Variants in CEP83 observed in about 807,000 individuals in gnomAD.
CEP83 encodes the protein centrosomal protein 83.
Under a neutral mutation model 101.9 loss-of-function variants are expected in CEP83, and 70 were observed. The observed-to-expected ratio is 0.69, with a 90% CI of 0.57 to 0.84. The LOEUF (loss-of-function observed/expected upper bound fraction) is 0.84. Among genes scored for constraint, CEP83 ranks in the 40% least tolerant of loss-of-function variants. CEP83 has a pLI of 0.00. For synonymous variants in CEP83, 264 were observed against 267.9 expected (o/e 0.99, Z 0.14); for missense variants, 715 against 787.2 (o/e 0.91, Z 1.10).
At chr12:94,405,653 G>C (rs529346045) in intron 4 of CEP83, among the ~76,000 whole-genome samples, 11 of 152,286 alleles carry the variant, frequency 7.2e-5, no homozygotes, top group Non-Finnish European at 1.6e-4. Context: ...AAATTAAACA[G>C]TTTGCAAGAC....
At chr12:94,282,987 A>AG in the CEP83 span, 1 of 152,734 alleles carries the variant, frequency 6.5e-6, no homozygotes, top group East Asian at 1.9e-4. Flanking sequence ...AAGACAGAGG[A>AG]GGCAGTGAAG....
chr12:94,310,833 T>C (rs929881193), intron 15 of CEP83, among the ~76,000 whole-genome samples: 53 of 152,176 alleles, frequency 3.5e-4, no homozygotes, highest in African/African-American at 1.2e-3. Flanking sequence ...TGTAATATTT[T>C]AGTAAGAAAT....
At chr12:94,323,805 G>A (rs1047631399) in intron 14 of CEP83, among the ~76,000 whole-genome samples, 2 of 152,168 alleles carry the variant, frequency 1.3e-5, no homozygotes, top group Admixed American at 6.5e-5. Context: ...TAATCAGTAA[G>A]TATGATGTTA....
chr12:94,398,046 T>C (rs540009593), intron 6 of CEP83, among the ~76,000 whole-genome samples: 1 of 152,318 alleles, frequency 6.6e-6, no homozygotes, highest in Non-Finnish European at 1.5e-5. Flanking sequence ...AGTGGTGGAC[T>C]GGTTTGTGGG....
chr12:94,399,725 A>G (rs2063137931), intron 6 of CEP83, among the ~76,000 whole-genome samples: 1 of 152,168 alleles, frequency 6.6e-6, no homozygotes, highest in Non-Finnish European at 1.5e-5. Flanking sequence ...CCTCCTCTTG[A>G]TCAATCAATC....
At chr12:94,439,962 GA>G (rs1239362189) in intron 1 of CEP83, among the ~76,000 whole-genome samples, 1 of 152,090 alleles carries the variant, frequency 6.6e-6, no homozygotes, top group Non-Finnish European at 1.5e-5. Context: ...AACAGACGCA[GA>G]AAAAGCATGA....
intron 1 of CEP83, among the ~76,000 whole-genome samples, chr12:94,449,798 A>AT (rs2067112523): frequency 7.0e-6 from 1 of 142,142 alleles, no homozygotes; most frequent in Non-Finnish European, 1.6e-5. Context: ...AAAAAAAAAA[A>AT]AAAAAAAAAA....
At chr12:94,291,206 T>G in the CEP83 span, among the ~76,000 whole-genome samples, 1 of 152,218 alleles carries the variant, frequency 6.6e-6, no homozygotes, top group Non-Finnish European at 1.5e-5. Flanking sequence ...AATGTATACA[T>G]TTAAAATCTG....
At chr12:94,274,777 C>T in the CEP83 span, among the ~76,000 whole-genome samples, 2 of 152,146 alleles carry the variant, frequency 1.3e-5, no homozygotes, top group African/African-American at 4.8e-5. Context: ...CCGGTTCTAC[C>T]ATCTTCTTGC....
chr12:94,331,723 G>A lies in CEP83; in HGVS notation c.1684C>T (p.Arg562Ter), dbSNP rs906852829. The change falls in exon 14 of 17, where the codon CGA becomes TGA. Residue 562 changes from arginine (R) to a stop codon, truncating the protein, a stop_gained. Coordinates refer to ENST00000397809, the MANE Select transcript of CEP83 (RefSeq NM_016122.3). LOFTEE classifies it high-confidence loss of function. ...GCCTTTTTCTGGGCAATTGCAGCTCGCTGCAGTTTCTCCTTAGCTTGATTG... is the reference window on the plus strand; with the variant it reads ...GCCTTTTTCTGGGCAATTGCAGCTCACTGCAGTTTCTCCTTAGCTTGATTG... ...KYNQAKEKLQ[R>*]AAIAQKKRKS... The A allele has an allele frequency of 6.2e-6, 10 of 1,613,834 alleles. No homozygotes were observed. Among genetic ancestry groups the A allele is most frequent in the South Asian group, 3.3e-5 (3 of 91,078 alleles).
intron 1 of CEP83, among the ~76,000 whole-genome samples, chr12:94,437,929 A>G (rs2066113688): frequency 1.3e-5 from 2 of 152,216 alleles, no homozygotes; most frequent in Admixed American, 1.3e-4. Context: ...CACTGAAAAG[A>G]TACAGAGGCC....
the CEP83 span, chr12:94,297,345 T>C: frequency 6.2e-7 from 1 of 1,614,056 alleles, no homozygotes; most frequent in Admixed American, 1.7e-5. Context: ...CATTCCAAGA[T>C]GTGCAAGGAA....
the CEP83 span, among the ~76,000 whole-genome samples, chr12:94,266,730 G>A: frequency 6.6e-6 from 1 of 152,198 alleles, no homozygotes; most frequent in Non-Finnish European, 1.5e-5. Context: ...TGGAAATGAT[G>A]GTCATGGTTC....
chr12:94,309,247 TA>T (rs1969461270), intron 16 of CEP83, among the ~76,000 whole-genome samples: 2 of 152,202 alleles, frequency 1.3e-5, no homozygotes, highest in Admixed American at 6.5e-5. Context: ...CAGTTTATTA[TA>T]AACAAAGCAC....
chr12:94,347,068 T>TATAC (rs561705061), intron 11 of CEP83, among the ~76,000 whole-genome samples: 77 of 147,474 alleles, frequency 5.2e-4, no homozygotes, highest in East Asian at 7.8e-4. Flanking sequence ...TATATATATA[T>TATAC]ACACATACAC....
intron 11 of CEP83, chr12:94,361,391 A>T (rs1238882149): frequency 6.6e-6 from 1 of 152,206 alleles, no homozygotes; most frequent in African/African-American, 2.4e-5. Context: ...GAGGACCACC[A>T]GAATGCCTAA....
intron 11 of CEP83, among the ~76,000 whole-genome samples, chr12:94,339,514 T>G (rs1411507505): frequency 6.6e-6 from 1 of 152,162 alleles, no homozygotes; most frequent in African/African-American, 2.4e-5. Context: ...TAATTTAAAT[T>G]TAGGTTTCAA....
chr12:94,342,675 T>C (rs911180580), intron 11 of CEP83, among the ~76,000 whole-genome samples: 1 of 151,840 alleles, frequency 6.6e-6, no homozygotes, highest in Non-Finnish European at 1.5e-5. Flanking sequence ...AAAACACACA[T>C]TTAAAAAGCA....
intron 11 of CEP83, among the ~76,000 whole-genome samples, chr12:94,339,805 A>G (rs1183690124): frequency 6.6e-6 from 1 of 152,238 alleles, no homozygotes; most frequent in Admixed American, 6.5e-5. Flanking sequence ...ACTTTCCTGA[A>G]AGAATATAAG....
Sources: allele counts gnomAD v4.1 joint callset (sites outside exome capture counted in the v4.1 genomes callset), GRCh38; gene constraint gnomAD v4.1.1; transcripts MANE v1.5; gene names NCBI Gene and HGNC (gene_info 2026-07-23, HGNC 2026-07-21).